The following RFX8 variants were observed in gnomAD, a reference collection of about 807,000 sequenced individuals.
RFX8 encodes the protein DNA-binding protein RFX8.
RFX8 carries 46 observed loss-of-function variants against 54.6 expected under a neutral mutation model. The observed-to-expected ratio is 0.84, with a 90% CI of 0.67 to 1.08. The LOEUF is 1.08. Among genes scored for constraint, RFX8 ranks in the 50% least tolerant of loss-of-function variants. RFX8 has a pLI of 0.00. For missense variants in RFX8, 536 were observed against 562.3 expected, an observed-to-expected ratio of 0.95 and a Z score of 0.47; for synonymous variants, 192 against 209.5, an observed-to-expected ratio of 0.92 and a Z score of 0.72.
At chr2:101,402,358 C>G in intron 11 of RFX8, 78 bp downstream of exon 11, 2 of 1,199,354 alleles carry the variant, frequency 1.7e-6, no homozygotes, top group Non-Finnish European at 2.3e-6. Flanking sequence ...ACAAAGTGAT[C>G]TTGAGGGTTT....
intron 7 of RFX8, among the ~76,000 whole-genome samples, chr2:101,414,061 T>C (rs1264728120): frequency 6.6e-6 from 1 of 152,178 alleles, no homozygotes; most frequent in Non-Finnish European, 1.5e-5. Context: ...AATCTTTTCT[T>C]CAGCCCTTCT....
chr2:101,460,946 G>C (rs1689237756), intron 2 of RFX8, among the ~76,000 whole-genome samples: 1 of 151,608 alleles, frequency 6.6e-6, no homozygotes, highest in Non-Finnish European at 1.5e-5. Flanking sequence ...GGTCTTTCAG[G>C]GAAGGAGAAT....
chr2:101,421,515 T>C (rs752933354), intron 4 of RFX8: 5 of 1,275,422 alleles, frequency 3.9e-6, no homozygotes, highest in East Asian at 3.1e-5. Flanking sequence ...CCTTGGAGAA[T>C]TTCCAACTGA....
At chr2:101,421,633 G>A (rs975912124) in intron 4 of RFX8, 91 bp downstream of exon 4, 11 of 1,495,054 alleles carry the variant, frequency 7.4e-6, no homozygotes, top group Admixed American at 2.4e-5. Context: ...CTGTTGACGG[G>A]GTCTCTTCAA....
At chr2:101,421,931 G>A (rs1315313758) in intron 3 of RFX8, among the ~76,000 whole-genome samples, 154 bp from the exon 4 acceptor site, 1 of 152,014 alleles carries the variant, frequency 6.6e-6, no homozygotes, top group African/African-American at 2.4e-5. Context: ...CATTTTTTTT[G>A]TTTCTATGAA....
intron 5 of RFX8, among the ~76,000 whole-genome samples, chr2:101,417,914 G>A (rs369629066): frequency 4.6e-4 from 70 of 152,044 alleles, no homozygotes; most frequent in African/African-American, 1.7e-3. Flanking sequence ...TATTTGAGAC[G>A]GAGTCTTGTT....
At chr2:101,403,942 G>A (rs146243053) in intron 10 of RFX8, among the ~76,000 whole-genome samples, 1 of 152,254 alleles carries the variant, frequency 6.6e-6, no homozygotes, top group East Asian at 1.9e-4. Context: ...AAATAATGCT[G>A]ACAGTGACAA....
chr2:101,472,084 C>G (rs1436080621), intron 1 of RFX8, among the ~76,000 whole-genome samples: 1 of 152,100 alleles, frequency 6.6e-6, no homozygotes, highest in Non-Finnish European at 1.5e-5. Flanking sequence ...ACCACTAGTA[C>G]CAACGATCTG....
chr2:101,402,994 T>C (rs1462643528), intron 10 of RFX8, among the ~76,000 whole-genome samples: 1 of 152,070 alleles, frequency 6.6e-6, no homozygotes, highest in African/African-American at 2.4e-5. Context: ...AAAAGGAACT[T>C]AAAATCCATC....
chr2:101,401,857 T>C (rs760566929), intron 11 of RFX8, among the ~76,000 whole-genome samples: 8 of 152,232 alleles, frequency 5.3e-5, no homozygotes, highest in Non-Finnish European at 1.0e-4. Flanking sequence ...CCTTGCTGTG[T>C]GACTTTGTGC....
chr2:101,426,473 C>T (rs538249899), intron 2 of RFX8, among the ~76,000 whole-genome samples: 3 of 152,114 alleles, frequency 2.0e-5, no homozygotes, highest in Admixed American at 6.6e-5. Context: ...GAGCTGTGAT[C>T]GTGCCACTGC....
intron 2 of RFX8, among the ~76,000 whole-genome samples, chr2:101,440,688 C>T (rs1225225909): frequency 6.6e-6 from 1 of 152,112 alleles, no homozygotes; most frequent in Non-Finnish European, 1.5e-5. Flanking sequence ...CTTAGCCATG[C>T]GTACAATTAA....
chr2:101,441,815 G>A (rs766493425), intron 2 of RFX8, among the ~76,000 whole-genome samples: 13 of 152,150 alleles, frequency 8.5e-5, no homozygotes, highest in Admixed American at 7.2e-4. Context: ...CTTGGCAAAA[G>A]TACATACTTG....
chr2:101,410,672 G>C lies in RFX8; in HGVS notation c.760C>G (p.Leu254Val). Residue 254 changes from leucine (L) to valine (V), a missense_variant, in exon 9 of 12, where the codon CTC becomes GTC. Leu to Val is a conservative substitution (Grantham distance 32). Transcript: ENST00000428343. ...GACAGACAGCTGAGGAATACCCTGA[G>C]ATCTGTTGATGTTCCCAGCAAAGAA... is the stretch of plus-strand genomic sequence containing the variant. ...LISLLGTSTD[L>V]RVFLSCLSSH... 1 of 1,546,440 alleles carries C rather than the reference G, an allele frequency of 6.5e-7. No individual in the cohort carries two copies. The highest frequency in any genetic ancestry group is 8.8e-7 in the Non-Finnish European group (1 of 1,142,290).
intron 5 of RFX8, among the ~76,000 whole-genome samples, chr2:101,418,397 G>A (rs995064310): frequency 6.6e-6 from 1 of 152,146 alleles, no homozygotes; most frequent in Non-Finnish European, 1.5e-5. Context: ...CACGCTGAAG[G>A]AGAACACCTT....
At chr2:101,449,619 A>G (rs773047866) in intron 2 of RFX8, among the ~76,000 whole-genome samples, 6 of 152,168 alleles carry the variant, frequency 3.9e-5, no homozygotes, top group Non-Finnish European at 8.8e-5. Flanking sequence ...TTAGATTTCC[A>G]TATGTTGAGT....
In RFX8 at chr2:101,402,472, G is replaced by A. The variant is rs1219103620; in HGVS notation, c.1209C>T (p.Ile403=). Residue 403 remains isoleucine, a synonymous_variant, in exon 11 of 12, where the codon ATC becomes ATT. Transcript: ENST00000428343. ...TGGCAGTGTCCACCAGGAAGCCCAG[G>A]ATCCTGAGGACCATGTTGCTCACAC... ...PVGVSNMVLR[I]LGFLVDTAMG... The A allele has an allele frequency of 3.2e-6, 5 of 1,550,774 alleles. No individual in the cohort carries two copies. The highest frequency in any genetic ancestry group is 4.4e-6 in the Non-Finnish European group (5 of 1,146,252).
At chr2:101,425,597 CACA>C (rs1249863490) in intron 2 of RFX8, among the ~76,000 whole-genome samples, 4 of 149,638 alleles carry the variant, frequency 2.7e-5, no homozygotes, top group African/African-American at 9.9e-5. Flanking sequence ...TGTTTTATTA[CACA>C]ACATAATAAA....
intron 8 of RFX8, among the ~76,000 whole-genome samples, chr2:101,411,523 C>T (rs1338452990): frequency 1.3e-5 from 2 of 152,106 alleles, no homozygotes; most frequent in African/African-American, 4.8e-5. Context: ...TCATGCCCTC[C>T]TGGGACTCCC....
Sources: gnomAD v4.1 joint callset for allele counts (sites outside exome capture counted in the v4.1 genomes callset) on GRCh38, gnomAD v4.1.1 for gene constraint, MANE v1.5 for transcripts, NCBI Gene and HGNC (gene_info 2026-07-23, HGNC 2026-07-21) for gene names.